The following VPS8 variants were observed in gnomAD, a reference collection of about 807,000 sequenced individuals.
The protein encoded by VPS8 is VPS8 subunit of CORVET complex.
In VPS8, 129 loss-of-function variants were observed where a neutral mutation model predicts 216.4. The observed-to-expected ratio is 0.60, with a 90% CI of 0.52 to 0.69. VPS8 has a LOEUF of 0.69. Ranked by LOEUF, VPS8 falls within the 30% of genes least tolerant of loss-of-function variation. The pLI is 0.00. For synonymous variants in VPS8, 571 were observed against 565.4 expected (o/e 1.01, Z -0.14); for missense variants, 1,531 against 1,683.5 (o/e 0.91, Z 1.59).
intron 39 of VPS8, among the ~76,000 whole-genome samples, chr3:184,970,103 GT>G: frequency 6.6e-6 from 1 of 151,648 alleles, no homozygotes; most frequent in East Asian, 2.0e-4. Flanking sequence ...TAGAGTTGGG[GT>G]TCCACCATCT....
chr3:184,883,625 A>AT (rs1462963427), intron 21 of VPS8, among the ~76,000 whole-genome samples: 2 of 151,620 alleles, frequency 1.3e-5, no homozygotes, highest in Non-Finnish European at 1.5e-5. Flanking sequence ...TTAGTCCACC[A>AT]TTTTTTTTCT....
At chr3:184,836,947 C>T (rs979097466) in intron 5 of VPS8, among the ~76,000 whole-genome samples, 1 of 151,788 alleles carries the variant, frequency 6.6e-6, no homozygotes, top group Non-Finnish European at 1.5e-5. Context: ...TTTTAAGGAT[C>T]TTTATTATTT....
chr3:184,945,999 T>G (rs1242328176), intron 36 of VPS8, among the ~76,000 whole-genome samples: 1 of 152,022 alleles, frequency 6.6e-6, no homozygotes, highest in Non-Finnish European at 1.5e-5. Flanking sequence ...CTGGTTAGAG[T>G]CAGAAGATGG....
chr3:184,880,035 G>A (rs1254113021), intron 21 of VPS8, among the ~76,000 whole-genome samples: 1 of 152,148 alleles, frequency 6.6e-6, no homozygotes, highest in Non-Finnish European at 1.5e-5. Flanking sequence ...TGCCTTAATT[G>A]AGTTAGGAAC....
At chr3:185,045,202 G>A (rs894652021) in intron 46 of VPS8, among the ~76,000 whole-genome samples, 1 of 43,062 alleles carries the variant, frequency 2.3e-5, no homozygotes, top group East Asian at 1.6e-3. Context: ...CGTGTCTCTC[G>A]CAAACTAGGT....
chr3:184,887,729 A>G (rs527404883), intron 22 of VPS8, among the ~76,000 whole-genome samples: 1 of 152,318 alleles, frequency 6.6e-6, no homozygotes, highest in South Asian at 2.1e-4. Flanking sequence ...CCAAAACCCT[A>G]TGCAGCATGA....
At chr3:184,875,554 A>C (rs62286938) in intron 21 of VPS8, among the ~76,000 whole-genome samples, 1,839 of 152,122 alleles carry the variant, frequency 0.012, 15 homozygotes, top group Non-Finnish European at 0.02. Context: ...CTTTCCTCAT[A>C]TGCGTTTATA....
chr3:184,890,473 T>A (rs2108902780), intron 22 of VPS8, among the ~76,000 whole-genome samples: 1 of 152,220 alleles, frequency 6.6e-6, no homozygotes, highest in East Asian at 1.9e-4. Context: ...CTTAGGTGGG[T>A]GAAATTATAA....
At chr3:184,839,563 A>G (rs752511891) in intron 6 of VPS8, 135 bp from the exon 7 acceptor site, 11 of 810,598 alleles carry the variant, frequency 1.4e-5, no homozygotes, top group Non-Finnish European at 1.9e-5. Flanking sequence ...TGCCTCCTGG[A>G]TGAAATTCTT....
chr3:184,846,661 G>A (rs1723195121), intron 8 of VPS8, among the ~76,000 whole-genome samples: 1 of 152,242 alleles, frequency 6.6e-6, no homozygotes, highest in Admixed American at 6.5e-5. Flanking sequence ...ACATCGCTCT[G>A]TGCCTGGAAG....
intron 13 of VPS8, among the ~76,000 whole-genome samples, chr3:184,854,845 T>C (rs1724947859): frequency 6.6e-6 from 1 of 152,210 alleles, no homozygotes; most frequent in Non-Finnish European, 1.5e-5. Context: ...GTTTTCCCTT[T>C]TTTTTCTTCT....
intron 40 of VPS8, among the ~76,000 whole-genome samples, chr3:184,981,116 C>G (rs977397341): frequency 6.6e-6 from 1 of 152,194 alleles, no homozygotes; most frequent in African/African-American, 2.4e-5. Context: ...TGTTCTAACC[C>G]TGAGTGGCTG....
At chr3:185,029,369 T>G (rs1044284490) in intron 46 of VPS8, among the ~76,000 whole-genome samples, 23 of 152,182 alleles carry the variant, frequency 1.5e-4, no homozygotes, top group African/African-American at 5.5e-4. Context: ...AGGAAGTGTT[T>G]GGTGACTCTG....
chr3:184,873,599 CAAG>C (rs1400457927), intron 21 of VPS8, among the ~76,000 whole-genome samples: 2 of 152,216 alleles, frequency 1.3e-5, no homozygotes, highest in Non-Finnish European at 2.9e-5. Context: ...AATTTGAATT[CAAG>C]CAGTGGGCTT....
intron 45 of VPS8, among the ~76,000 whole-genome samples, chr3:185,023,307 A>G (rs1009617038): frequency 6.6e-6 from 1 of 152,186 alleles, no homozygotes; most frequent in Non-Finnish European, 1.5e-5. Context: ...TATTAGGTAC[A>G]TAGATGTTTA....
chr3:184,815,558 G>A (rs1379272282), intron 1 of VPS8, among the ~76,000 whole-genome samples: 1 of 152,136 alleles, frequency 6.6e-6, no homozygotes, highest in African/African-American at 2.4e-5. Flanking sequence ...TGCCATCCAA[G>A]ATTAAGCACC....
rs566577241 is a variant in VPS8 at position 185,003,889 on chromosome 3, G to A, written c.4002+4028G>A. On this transcript the variant is annotated intron_variant, in intron 45 of 47. Coordinates refer to ENST00000625842, the MANE Select transcript of VPS8 (RefSeq NM_001009921.3). ...TCCTCACCTCCCAGATGGGGTCGCG[G>A]CCAGGCAGAGGCGCTCCTCACCTCC... Among the ~76,000 whole-genome samples the A allele has an allele frequency of 3.9e-5, 6 of 152,070 alleles. No homozygotes were observed. The East Asian group carries it at 1.2e-3, about 29-fold the overall frequency.
At chr3:185,000,900 C>G (rs546510300) in intron 45 of VPS8, among the ~76,000 whole-genome samples, 1 of 152,276 alleles carries the variant, frequency 6.6e-6, no homozygotes, top group African/African-American at 2.4e-5. Context: ...CCACCGCACC[C>G]GGCCTCTCTT....
chr3:185,005,872 G>T (rs926769243), intron 45 of VPS8, among the ~76,000 whole-genome samples: 2 of 152,000 alleles, frequency 1.3e-5, no homozygotes, highest in African/African-American at 4.8e-5. Context: ...CCTTTTTACC[G>T]ATTGGGTGTC....
Sources: allele counts gnomAD v4.1 joint callset (sites outside exome capture counted in the v4.1 genomes callset), GRCh38; gene constraint gnomAD v4.1.1; transcripts MANE v1.5; gene names NCBI Gene and HGNC (gene_info 2026-07-23, HGNC 2026-07-21).